Variants in NOP9 observed in about 807,000 individuals in gnomAD.
NOP9 encodes NOP9 nucleolar protein, also known as nucleolar protein 9.
Under a neutral mutation model 63.0 loss-of-function variants are expected in NOP9, and 50 were observed. The ratio of observed to expected loss-of-function variants is 0.79; its 90% CI spans 0.63 to 1.00. The LOEUF (loss-of-function observed/expected upper bound fraction) is 1.00. NOP9 is among the 50% of genes least tolerant of loss of function. The pLI is 0.00. For missense variants in NOP9, 758 were observed against 803.0 expected (o/e 0.94, Z 0.68); for synonymous variants, 343 against 332.8 (o/e 1.03, Z -0.33).
upstream of NOP9, chr14:24,296,405 TG>T (rs1353065643): frequency 3.6e-6 from 4 of 1,105,906 alleles, no homozygotes; most frequent in African/African-American, 3.1e-5. Flanking sequence ...AAGAAAGAGA[TG>T]GGGGAGGCCG....
In NOP9 at chr14:24,306,732, C is replaced by G; in HGVS notation, c.*1637C>G. On this transcript the variant is annotated 3_prime_UTR_variant, in exon 10 of 10. Coordinates refer to ENST00000267425, the MANE Select transcript of NOP9 (RefSeq NM_174913.3). ...GAGGCTGACCTTTTTCCTCTTTGCT[C>G]CTACCATGTCATTGGCATCTCCCCT... 3.4e-6 allele frequency: 2 copies of G among 595,436 alleles called. No individual in the cohort carries two copies. Among genetic ancestry groups the G allele is most frequent in the Non-Finnish European group, 5.9e-6 (2 of 340,526 alleles). 36.9% of individuals were successfully genotyped at this position (595,436 alleles called of 1,614,324 possible). A position where few individuals can be genotyped will look rare whatever the true frequency, so the allele number is the denominator to read the frequency against.
chr14:24,299,670 G>C (rs2139110240), upstream of NOP9: 1 of 380,762 alleles, frequency 2.6e-6, no homozygotes, highest in African/African-American at 2.1e-5. Flanking sequence ...CGACGTGGAG[G>C]CAGTGTTCAA....
the NOP9 span, among the ~76,000 whole-genome samples, chr14:24,287,844 AC>A: frequency 6.6e-6 from 1 of 152,170 alleles, no homozygotes; most frequent in African/African-American, 2.4e-5. Flanking sequence ...GCCAAATTCA[AC>A]TAGTCTTCCC....
the NOP9 span, chr14:24,271,466 G>C: frequency 4.6e-6 from 1 of 215,494 alleles, no homozygotes; most frequent in African/African-American, 2.3e-5. Flanking sequence ...GGGCACCCCC[G>C]CCCCCCGCGG....
In NOP9 at chr14:24,307,694, C is replaced by T; in HGVS notation, c.*2599C>T. ...CGGGTGGCTCAGGAGCTTGACAAGCCCACTGTGGAGTGGGGAGCAGGAGAG... is the reference window on the plus strand; with the variant it reads ...CGGGTGGCTCAGGAGCTTGACAAGCTCACTGTGGAGTGGGGAGCAGGAGAG... On this transcript the variant is annotated 3_prime_UTR_variant, in exon 10 of 10. Coordinates refer to ENST00000267425, the MANE Select transcript of NOP9 (RefSeq NM_174913.3). 4 of 1,285,052 alleles carry T rather than the reference C, an allele frequency of 3.1e-6. No individual in the cohort carries two copies. Among genetic ancestry groups the T allele is most frequent in the Non-Finnish European group, 3.3e-6 (3 of 907,574 alleles). 79.6% of individuals were successfully genotyped at this position (1,285,052 alleles called of 1,614,324 possible).
At position 24,306,175 on chromosome 14, in the gene NOP9, C is replaced by T. The variant is rs758925025; in HGVS notation, c.*1080C>T. ...CTTGTCAGTGCAGTAGATCCTCATA[C>T]CAGACACCCACCACTAATCTCCATC... On this transcript the variant is annotated 3_prime_UTR_variant, in exon 10 of 10. Coordinates refer to ENST00000267425, the MANE Select transcript of NOP9 (RefSeq NM_174913.3). 3.1e-6 allele frequency: 5 copies of T among 1,592,628 alleles called. No homozygotes were observed. The South Asian group carries it at 3.4e-5, about 11-fold the overall frequency.
At chr14:24,281,124 C>G in the NOP9 span, among the ~76,000 whole-genome samples, 1 of 152,186 alleles carries the variant, frequency 6.6e-6, no homozygotes, top group Non-Finnish European at 1.5e-5. Context: ...CAGGGAGGAC[C>G]TGGAGTAGCC....
chr14:24,305,497 G>T lies in NOP9; in HGVS notation c.*402G>T. ...GCGTTATGCTGAAAGGTTCTGTCAC[G>T]AGGGGATCAGAGGACAGTGGGGAAA... On this transcript the variant is annotated 3_prime_UTR_variant, in exon 10 of 10. Transcript: ENST00000267425. 1 of 1,052,940 alleles carries T rather than the reference G, an allele frequency of 9.5e-7. No individual in the cohort carries two copies. Among genetic ancestry groups the T allele is most frequent in the Non-Finnish European group, 1.4e-6 (1 of 724,216 alleles). 65.2% of individuals were successfully genotyped at this position (1,052,940 alleles called of 1,614,324 possible).
At chr14:24,285,440 AGT>A in the NOP9 span, among the ~76,000 whole-genome samples, 59 of 152,306 alleles carry the variant, frequency 3.9e-4, 1 homozygote, top group South Asian at 0.01. Context: ...CAAGGGCCAG[AGT>A]GGGCCTGAGA....
rs2041467285 is a variant in NOP9 at position 24,305,419 on chromosome 14, T to G, written c.*324T>G. The G allele has an allele frequency of 1.6e-6, 1 of 622,216 alleles. No individual in the cohort carries two copies. Among genetic ancestry groups the G allele is most frequent in the Non-Finnish European group, 2.6e-6 (1 of 381,832 alleles). The allele number at this position is 622,216 out of a possible 1,614,324, so 38.5% of individuals were successfully genotyped here. A position where few individuals can be genotyped will look rare whatever the true frequency, so the allele number is the denominator to read the frequency against. On this transcript the variant is annotated 3_prime_UTR_variant, in exon 10 of 10. Transcript: ENST00000267425. ...CAGGGCAAGTGGGAGGCCAGAAAGG[T>G]GGCTAGGAAAGAACAGCATTCTTCA...
intron 3 of NOP9, 30 bp from the exon 4 acceptor site, chr14:24,301,935 A>C (rs1432169004): frequency 1.3e-6 from 2 of 1,593,744 alleles, no homozygotes; most frequent in Admixed American, 1.8e-5. Context: ...ATTTTGGGAA[A>C]GCCGCTTTAT....
the NOP9 span, among the ~76,000 whole-genome samples, chr14:24,273,005 C>T: frequency 4.6e-5 from 7 of 152,128 alleles, no homozygotes; most frequent in African/African-American, 1.7e-4. Flanking sequence ...TGATTTTTTT[C>T]CCTGTGCCTA....
chr14:24,299,906 C>A lies in NOP9; in HGVS notation c.-49C>A, dbSNP rs375108757. ...CGCACGCTTGGCGACGTCGAAGGTC[C>A]GTCCGCAGTTAAGGAAGCTTTTGCA... is the stretch of plus-strand genomic sequence containing the variant. On this transcript the variant is annotated 5_prime_UTR_variant, in exon 1 of 10. Coordinates refer to ENST00000267425, the MANE Select transcript of NOP9 (RefSeq NM_174913.3). The A allele has an allele frequency of 6.6e-7, 1 of 1,504,272 alleles. No homozygotes were observed. The highest frequency in any genetic ancestry group is 2.3e-5 in the Admixed American group (1 of 43,638). The allele number at this position is 1,504,272 out of a possible 1,614,324, so 93.2% of individuals were successfully genotyped here.
intron 5 of NOP9, 111 bp from the exon 6 acceptor site, chr14:24,302,963 C>T (rs1267833438): frequency 7.6e-7 from 1 of 1,308,108 alleles, no homozygotes. Flanking sequence ...ACTGGCAATG[C>T]TTTTTATGTT....
At chr14:24,288,814 A>G in the NOP9 span, among the ~76,000 whole-genome samples, 3 of 152,072 alleles carry the variant, frequency 2.0e-5, no homozygotes, top group Non-Finnish European at 4.4e-5. Context: ...GCCATCATGG[A>G]AAGTTTTGTT....
chr14:24,285,337 TTGGTGGGGTAGGGAAGTTTCTGG>T, the NOP9 span, among the ~76,000 whole-genome samples: 6 of 152,104 alleles, frequency 3.9e-5, no homozygotes, highest in African/African-American at 1.4e-4. Flanking sequence ...ACCCTCTCTG[TTGGTGGGGTAGGGAAGTTTCTGG>T]TGGTGGGAGC....
the NOP9 span, chr14:24,291,289 TG>T: frequency 6.7e-7 from 1 of 1,496,418 alleles, no homozygotes; most frequent in Non-Finnish European, 9.3e-7. Flanking sequence ...TGGGCCCAGT[TG>T]GACAGGGCAC....
At chr14:24,303,428 C>T (rs147259681) in intron 6 of NOP9, among the ~76,000 whole-genome samples, 1,920 of 151,748 alleles carry the variant, frequency 0.013, 16 homozygotes, top group Non-Finnish European at 0.021. Flanking sequence ...CTCTTGTTGC[C>T]CAGGCTGGAG....
chr14:24,277,496 T>G, the NOP9 span, among the ~76,000 whole-genome samples: 1 of 152,106 alleles, frequency 6.6e-6, no homozygotes, highest in Non-Finnish European at 1.5e-5. Flanking sequence ...TGGAGAAGCC[T>G]CAGTGGAGGG....
Sources: allele counts gnomAD v4.1 joint callset (sites outside exome capture counted in the v4.1 genomes callset), GRCh38; gene constraint gnomAD v4.1.1; transcripts MANE v1.5; gene names NCBI Gene and HGNC (gene_info 2026-07-23, HGNC 2026-07-21).